The following FAM210A variants were observed in gnomAD, a reference collection of about 807,000 sequenced individuals.
FAM210A encodes the protein family with sequence similarity 210 member A.
A neutral mutation model predicts 25.3 loss-of-function variants in FAM210A; 13 were observed. The observed-to-expected ratio is 0.51, with a 90% CI of 0.33 to 0.82. The LOEUF is 0.82. FAM210A is among the 40% of genes least tolerant of loss of function. The probability of loss-of-function intolerance (pLI) is 0.02; values close to 1 mark genes in which losing one functional copy is unlikely to be tolerated. For missense variants in FAM210A, 319 were observed against 323.2 expected (o/e 0.99, Z 0.10); for synonymous variants, 125 against 118.7 (o/e 1.05, Z -0.35).
At chr18:13,681,575 G>C (rs200179053) in intron 2 of FAM210A, 30 bp downstream of exon 2, 328 of 1,504,058 alleles carry the variant, frequency 2.2e-4, no homozygotes, top group Admixed American at 2.5e-4. Flanking sequence ...GGTAAGACAG[G>C]GAAAGACATT....
chr18:13,677,761 T>G (rs571317476), intron 2 of FAM210A, among the ~76,000 whole-genome samples: 2 of 152,144 alleles, frequency 1.3e-5, no homozygotes, highest in African/African-American at 2.4e-5. Flanking sequence ...TCGGTAGACC[T>G]CCACTGTAAA....
At chr18:13,723,931 C>T (rs2043915082) in intron 1 of FAM210A, among the ~76,000 whole-genome samples, 1 of 152,154 alleles carries the variant, frequency 6.6e-6, no homozygotes, top group Non-Finnish European at 1.5e-5. Context: ...AACAAAGCTT[C>T]CATGAACCAC....
chr18:13,678,748 T>C (rs1387984436), intron 2 of FAM210A, among the ~76,000 whole-genome samples: 1 of 152,234 alleles, frequency 6.6e-6, no homozygotes, highest in Non-Finnish European at 1.5e-5. Context: ...CAGGAATCTG[T>C]GCTTCTCAAA....
At chr18:13,723,973 A>G (rs749918409) in intron 1 of FAM210A, among the ~76,000 whole-genome samples, 27 of 152,224 alleles carry the variant, frequency 1.8e-4, no homozygotes, top group Non-Finnish European at 3.8e-4. Context: ...TTAGGAAACT[A>G]TAACATTGTT....
At chr18:13,698,418 G>C (rs2043713651) in intron 1 of FAM210A, among the ~76,000 whole-genome samples, 1 of 150,868 alleles carries the variant, frequency 6.6e-6, no homozygotes, top group Non-Finnish European at 1.5e-5. Flanking sequence ...CTAGGATCCT[G>C]AGAATATCCG....
chr18:13,721,298 A>G (rs998206941), intron 1 of FAM210A, among the ~76,000 whole-genome samples: 1 of 152,194 alleles, frequency 6.6e-6, no homozygotes, highest in Non-Finnish European at 1.5e-5. Flanking sequence ...CAGATCAATA[A>G]CTGCATGCCA....
chr18:13,693,230 AG>A lies in FAM210A; in HGVS notation c.-28-11126del, dbSNP rs2043663684. The stretch of plus-strand genomic sequence containing the variant: ...CTGAATCCCTGAATAGACCAATAAC[AG>A]GCTCTGAAATTGAGGCAATAATAGC... On this transcript the variant is annotated intron_variant, in intron 1 of 3. Coordinates refer to ENST00000651643, the MANE Select transcript of FAM210A (RefSeq NM_152352.4). 2.0e-5 allele frequency among the ~76,000 whole-genome samples: 3 copies of A among 152,234 alleles called. No individual in the cohort carries two copies. In the South Asian group the frequency reaches 6.2e-4, roughly 31 times the overall value.
chr18:13,705,447 T>C (rs2043771002), intron 1 of FAM210A, among the ~76,000 whole-genome samples: 1 of 152,172 alleles, frequency 6.6e-6, no homozygotes, highest in Non-Finnish European at 1.5e-5. Flanking sequence ...AATATATTGG[T>C]GTGGTACCTT....
intron 1 of FAM210A, among the ~76,000 whole-genome samples, chr18:13,709,746 G>C (rs546168882): frequency 2.0e-5 from 3 of 152,222 alleles, no homozygotes; most frequent in African/African-American, 7.2e-5. Context: ...CACACAGGAG[G>C]CACTCAATAA....
At chr18:13,700,974 C>G (rs2043735009) in intron 1 of FAM210A, among the ~76,000 whole-genome samples, 1 of 152,180 alleles carries the variant, frequency 6.6e-6, no homozygotes, top group Non-Finnish European at 1.5e-5. Context: ...AATCTCCCAC[C>G]ACGTGGCTAC....
intron 2 of FAM210A, among the ~76,000 whole-genome samples, chr18:13,680,850 G>A (rs920427899): frequency 6.6e-6 from 1 of 152,180 alleles, no homozygotes; most frequent in African/African-American, 2.4e-5. Flanking sequence ...CTAAAGCAGT[G>A]TGAAGCAAAT....
chr18:13,701,361 C>A (rs1341718729), intron 1 of FAM210A, among the ~76,000 whole-genome samples: 1 of 152,172 alleles, frequency 6.6e-6, no homozygotes, highest in African/African-American at 2.4e-5. Flanking sequence ...TGGTAATTAA[C>A]TGGTTTGGAT....
chr18:13,672,598 T>C (rs1365885476), intron 2 of FAM210A, among the ~76,000 whole-genome samples: 3 of 152,168 alleles, frequency 2.0e-5, no homozygotes, highest in Non-Finnish European at 2.9e-5. Context: ...TTAGTAGACA[T>C]GGGGCTTCAT....
intron 1 of FAM210A, among the ~76,000 whole-genome samples, chr18:13,700,467 C>A (rs371616985): frequency 2.0e-5 from 3 of 152,192 alleles, no homozygotes; most frequent in African/African-American, 7.2e-5. Flanking sequence ...TTTTCCAGAT[C>A]CTGAATTCCA....
At chr18:13,687,575 G>A (rs929634497) in intron 1 of FAM210A, among the ~76,000 whole-genome samples, 1 of 152,142 alleles carries the variant, frequency 6.6e-6, no homozygotes, top group East Asian at 1.9e-4. Flanking sequence ...TCAGATGGAC[G>A]TGCATACAAC....
At chr18:13,721,355 G>T (rs1158067438) in intron 1 of FAM210A, among the ~76,000 whole-genome samples, 2 of 152,192 alleles carry the variant, frequency 1.3e-5, no homozygotes, top group African/African-American at 4.8e-5. Context: ...ATCTGGAACA[G>T]CAGCTGCAAT....
chr18:13,724,300 T>C (rs1050472859), intron 1 of FAM210A, among the ~76,000 whole-genome samples: 7 of 152,236 alleles, frequency 4.6e-5, no homozygotes, highest in East Asian at 3.8e-4. Context: ...GTTTCATTAT[T>C]AGCAGAGTCT....
rs1471314290 is a variant in FAM210A, at chr18:13,664,162, A to G, written c.*2318T>C. 2.0e-5 allele frequency: 3 copies of G among 152,222 alleles called. No individual in the cohort carries two copies. The highest frequency in any genetic ancestry group is 4.4e-5 in the Non-Finnish European group (3 of 68,038). The allele number at this position is 152,222 out of a possible 1,614,324, so 9.4% of individuals were successfully genotyped here. A position where few individuals can be genotyped will look rare whatever the true frequency, so the allele number is the denominator to read the frequency against. ...ACAACAGAGCTTCTCACATCTTCAG[A>G]GCATTTTTTACTAGAGAATTTCATA... On this transcript the variant is annotated 3_prime_UTR_variant, in exon 4 of 4. Transcript: ENST00000651643.
chr18:13,713,706 G>A (rs2043838332), intron 1 of FAM210A, among the ~76,000 whole-genome samples: 1 of 76,320 alleles, frequency 1.3e-5, no homozygotes, highest in South Asian at 3.8e-4. Flanking sequence ...ATTAGTAGCG[G>A]GGAAGTATGT....
Sources: gnomAD v4.1 joint callset for allele counts (sites outside exome capture counted in the v4.1 genomes callset) on GRCh38, gnomAD v4.1.1 for gene constraint, MANE v1.5 for transcripts, NCBI Gene and HGNC (gene_info 2026-07-23, HGNC 2026-07-21) for gene names.